The following ATXN1 variants were observed in gnomAD, a reference collection of about 807,000 sequenced individuals.
ATXN1 encodes the protein ataxin 1.
ATXN1 carries 8 observed loss-of-function variants against 56.4 expected under a neutral mutation model. That is an observed-to-expected ratio of 0.14 (90% confidence interval 0.08 to 0.26). The LOEUF (loss-of-function observed/expected upper bound fraction) is 0.26. Ranked by LOEUF, ATXN1 falls within the 10% of genes least tolerant of loss-of-function variation. The probability of loss-of-function intolerance (pLI) is 1.00; values close to 1 mark genes in which losing one functional copy is unlikely to be tolerated. For missense variants in ATXN1, 987 were observed against 1,106.5 expected (o/e 0.89, Z 1.53); for synonymous variants, 514 against 494.6 (o/e 1.04, Z -0.52).
chr6:16,696,769 C>T (rs1759174444), intron 2 of ATXN1, among the ~76,000 whole-genome samples: 1 of 152,134 alleles, frequency 6.6e-6, no homozygotes, highest in African/African-American at 2.4e-5. Flanking sequence ...TGTCATAAAG[C>T]CCCTCCAGCT....
chr6:16,665,651 G>A (rs1758408964), intron 2 of ATXN1, among the ~76,000 whole-genome samples: 1 of 152,080 alleles, frequency 6.6e-6, no homozygotes, highest in East Asian at 1.9e-4. Context: ...GTTTCCTTCT[G>A]GCCTCAATTT....
At chr6:16,486,143 A>C (rs1444648663) in intron 5 of ATXN1, 34 bp from the exon 6 acceptor site, 3 of 152,226 alleles carry the variant, frequency 2.0e-5, no homozygotes, top group African/African-American at 7.2e-5. Context: ...AAAAAGAAAA[A>C]GGTAAACACA....
chr6:16,561,985 A>G (rs1364918395), intron 4 of ATXN1, among the ~76,000 whole-genome samples: 2 of 152,222 alleles, frequency 1.3e-5, no homozygotes, highest in African/African-American at 4.8e-5. Flanking sequence ...ACTTTTAAGA[A>G]TAAGTACGAA....
At chr6:16,521,139 A>G (rs1357259851) in intron 5 of ATXN1, among the ~76,000 whole-genome samples, 1 of 152,198 alleles carries the variant, frequency 6.6e-6, no homozygotes, top group African/African-American at 2.4e-5. Context: ...AAACAAACAA[A>G]CAAACAAACA....
chr6:16,745,554 T>C (rs576538812), intron 2 of ATXN1, among the ~76,000 whole-genome samples: 1 of 152,336 alleles, frequency 6.6e-6, no homozygotes, highest in South Asian at 2.1e-4. Context: ...AATGGTGGAA[T>C]CAAAGGGAAC....
chr6:16,442,146 G>A (rs1449476061), intron 6 of ATXN1, among the ~76,000 whole-genome samples: 1 of 152,114 alleles, frequency 6.6e-6, no homozygotes, highest in Non-Finnish European at 1.5e-5. Context: ...TTTTTCAAGA[G>A]CCAGGCTTCA....
chr6:16,376,509 A>G (rs1406794227), intron 6 of ATXN1, among the ~76,000 whole-genome samples: 1 of 152,238 alleles, frequency 6.6e-6, no homozygotes, highest in Non-Finnish European at 1.5e-5. Context: ...AAGCATTGCA[A>G]TGATATGAAG....
chr6:16,594,732 C>T (rs774065435), intron 3 of ATXN1, among the ~76,000 whole-genome samples: 1 of 152,168 alleles, frequency 6.6e-6, no homozygotes, highest in African/African-American at 2.4e-5. Flanking sequence ...CCGCCTGCCT[C>T]GGCCTCCCAA....
intron 6 of ATXN1, among the ~76,000 whole-genome samples, chr6:16,445,674 T>A (rs1322544583): frequency 1.9e-5 from 1 of 53,040 alleles, no homozygotes; most frequent in Non-Finnish European, 3.4e-5. Context: ...CCCTCCCCCC[T>A]CCCCCCACCC....
chr6:16,582,282 C>T (rs1277450726), intron 4 of ATXN1, among the ~76,000 whole-genome samples: 1 of 152,192 alleles, frequency 6.6e-6, no homozygotes, highest in African/African-American at 2.4e-5. Context: ...ATGGTGTTGA[C>T]TGTATCTCCC....
At chr6:16,648,146 G>C (rs1763834332) in intron 3 of ATXN1, among the ~76,000 whole-genome samples, 1 of 152,156 alleles carries the variant, frequency 6.6e-6, no homozygotes, top group Non-Finnish European at 1.5e-5. Context: ...AGATCCTTAA[G>C]ATTTCAGGAC....
chr6:16,611,323 GA>G (rs755849413), intron 3 of ATXN1, among the ~76,000 whole-genome samples: 1 of 152,012 alleles, frequency 6.6e-6, no homozygotes, highest in Non-Finnish European at 1.5e-5. Context: ...TCAAATTTAA[GA>G]AGACAACTAG....
intron 7 of ATXN1, among the ~76,000 whole-genome samples, chr6:16,317,576 C>G (rs565417725): frequency 6.6e-6 from 1 of 152,268 alleles, no homozygotes; most frequent in South Asian, 2.1e-4. Flanking sequence ...CCACCCACCT[C>G]GGCCTCCCAA....
At chr6:16,536,943 C>A (rs1761612089) in intron 4 of ATXN1, among the ~76,000 whole-genome samples, 1 of 152,026 alleles carries the variant, frequency 6.6e-6, no homozygotes. Flanking sequence ...CATTAAATAG[C>A]ACATTTATAA....
chr6:16,499,761 C>T lies in ATXN1; in HGVS notation c.-298-13652G>A, dbSNP rs114020848. 5.5e-3 allele frequency among the ~76,000 whole-genome samples: 832 copies of T among 152,270 alleles called. 6 individuals are homozygous for T. The highest frequency in any genetic ancestry group is 8.8e-3 in the Non-Finnish European group (601 of 68,022). ...GACTTTTGGCATGATACCTAAGACT[C>T]TGTTTATCTTAAGCAAAAAGAATAC... On this transcript the variant is annotated intron_variant, in intron 5 of 7. Transcript: ENST00000436367.
intron 4 of ATXN1, among the ~76,000 whole-genome samples, chr6:16,570,771 G>A: frequency 6.6e-6 from 1 of 152,302 alleles, no homozygotes; most frequent in Admixed American, 6.5e-5. Flanking sequence ...TAAGTTGTTA[G>A]AGGGTACAAT....
intron 7 of ATXN1, among the ~76,000 whole-genome samples, chr6:16,316,607 C>T (rs924338464): frequency 4.6e-5 from 7 of 152,046 alleles, no homozygotes; most frequent in South Asian, 4.2e-4. Context: ...ATTAGCCAGG[C>T]GTGGGAGCAG....
In ATXN1 at chr6:16,305,750, T is replaced by G. The variant is rs1279032854; in HGVS notation, c.*579A>C. On this transcript the variant is annotated 3_prime_UTR_variant, in exon 8 of 8. Coordinates refer to ENST00000436367, the MANE Select transcript of ATXN1 (RefSeq NM_001128164.2). ...AAAAATGTTCTTTTAAATGGTTAAC[T>G]TTCCAAATCTGCCATCTGACGCGTC... The G allele has an allele frequency of 1.3e-5, 2 of 152,772 alleles. No individual in the cohort carries two copies. Among genetic ancestry groups the G allele is most frequent in the Non-Finnish European group, 2.9e-5 (2 of 68,168 alleles). 9.5% of individuals were successfully genotyped at this position (152,772 alleles called of 1,614,324 possible).
At chr6:16,324,690 C>A (rs1443053663) in intron 7 of ATXN1, among the ~76,000 whole-genome samples, 1 of 152,152 alleles carries the variant, frequency 6.6e-6, no homozygotes, top group Non-Finnish European at 1.5e-5. Context: ...GGACTCCCAG[C>A]AACTTGGGCA....
Sources: allele counts gnomAD v4.1 joint callset (sites outside exome capture counted in the v4.1 genomes callset), GRCh38; gene constraint gnomAD v4.1.1; transcripts MANE v1.5; gene names NCBI Gene and HGNC (gene_info 2026-07-23, HGNC 2026-07-21).